CAPN5: variants seen among roughly 807,000 people sequenced by gnomAD.
The protein encoded by CAPN5 is calpain-5.
In CAPN5, 54 loss-of-function variants were observed where a neutral mutation model predicts 73.0. The ratio of observed to expected loss-of-function variants is 0.74; its 90% CI spans 0.59 to 0.93. CAPN5 has a LOEUF of 0.93. CAPN5 is among the 40% of genes least tolerant of loss of function. The pLI is 0.00. For missense variants in CAPN5, 785 were observed against 882.9 expected, an observed-to-expected ratio of 0.89 and a Z score of 1.41; for synonymous variants, 335 against 356.9, an observed-to-expected ratio of 0.94 and a Z score of 0.69.
chr11:77,067,320 C>T (rs1428974018), intron 1 of CAPN5, among the ~76,000 whole-genome samples: 1 of 130,212 alleles, frequency 7.7e-6, no homozygotes, highest in Non-Finnish European at 1.8e-5. Context: ...CACCCCCACC[C>T]CCGGCGAGGA....
chr11:77,115,330 A>T, intron 5 of CAPN5, 65 bp from the exon 6 acceptor site: 1 of 1,383,194 alleles, frequency 7.2e-7, no homozygotes, highest in South Asian at 1.3e-5. Context: ...GCCCTCCAGC[A>T]CCTGAGTCCC....
intron 1 of CAPN5, among the ~76,000 whole-genome samples, chr11:77,083,563 G>C (rs1432297589): frequency 6.6e-6 from 1 of 152,188 alleles, no homozygotes; most frequent in Non-Finnish European, 1.5e-5. Context: ...TGGCAGCCGT[G>C]TGCCCACCGG....
At chr11:77,115,263 G>T in intron 5 of CAPN5, 132 bp from the exon 6 acceptor site, 1 of 685,878 alleles carries the variant, frequency 1.5e-6, no homozygotes, top group East Asian at 2.7e-5. Context: ...TGTGAACACA[G>T]CACTGCCCCA....
intron 3 of CAPN5, 117 bp downstream of exon 3, chr11:77,093,930 A>G (rs375048490): frequency 1.4e-6 from 2 of 1,441,166 alleles, no homozygotes; most frequent in Admixed American, 4.0e-5. Flanking sequence ...AGCCTGTGCC[A>G]GGGATGGGGT....
intron 3 of CAPN5, among the ~76,000 whole-genome samples, chr11:77,103,761 C>T (rs946499468): frequency 6.6e-6 from 1 of 152,216 alleles, no homozygotes; most frequent in Non-Finnish European, 1.5e-5. Context: ...GGCGTCTCCA[C>T]GGGGAGTCCA....
Position 77,075,861 on chromosome 11 carries a change from T to C in CAPN5, c.-36+8767T>C, listed in dbSNP as rs1225998582. ...CCCCTTCCAGTCACTACCCCCAAGATAGCCAAGTCCTGCTTTCTGTTCACT... is the reference window on the plus strand; with the variant it reads ...CCCCTTCCAGTCACTACCCCCAAGACAGCCAAGTCCTGCTTTCTGTTCACT... On this transcript the variant is annotated intron_variant, in intron 1 of 12. Coordinates refer to ENST00000648180, the MANE Select transcript of CAPN5 (RefSeq NM_004055.5). Among the ~76,000 whole-genome samples the C allele has an allele frequency of 2.0e-5, 3 of 152,234 alleles. No individual in the cohort carries two copies. The South Asian group carries it at 6.2e-4, about 32-fold the overall frequency.
At chr11:77,079,811 G>T (rs1456213464) in intron 1 of CAPN5, among the ~76,000 whole-genome samples, 3 of 151,850 alleles carry the variant, frequency 2.0e-5, no homozygotes, top group Non-Finnish European at 4.4e-5. Flanking sequence ...GTGTGTGTGT[G>T]TGTCTGTGTG....
intron 7 of CAPN5, among the ~76,000 whole-genome samples, chr11:77,117,409 G>A (rs527783831): frequency 1.3e-5 from 2 of 152,140 alleles, no homozygotes; most frequent in African/African-American, 4.8e-5. Context: ...ATTCTGTCAG[G>A]GCCCCCAGGC....
In CAPN5 at chr11:77,124,779, C is replaced by G. The variant is rs1950556129; in HGVS notation, c.*909C>G. ...CCCAGAGCCTCTCTGCTGTAAGACC[C>G]CAGCTTTTCCTGGAAGATGGGACTC... On this transcript the variant is annotated 3_prime_UTR_variant, in exon 13 of 13. Coordinates refer to ENST00000648180, the MANE Select transcript of CAPN5 (RefSeq NM_004055.5). 6.6e-6 allele frequency: 1 copy of G among 152,192 alleles called. No individual in the cohort carries two copies. Among genetic ancestry groups the G allele is most frequent in the African/African-American group, 2.4e-5 (1 of 41,440 alleles). 9.4% of individuals were successfully genotyped at this position (152,192 alleles called of 1,614,324 possible).
At chr11:77,083,877 C>T (rs1472042269) in intron 1 of CAPN5, among the ~76,000 whole-genome samples, 7 of 152,224 alleles carry the variant, frequency 4.6e-5, no homozygotes. Flanking sequence ...ATCACTCCCA[C>T]AGCCAGCCTG....
intron 2 of CAPN5, among the ~76,000 whole-genome samples, chr11:77,090,429 T>G (rs1411407047): frequency 6.6e-6 from 1 of 152,214 alleles, no homozygotes; most frequent in African/African-American, 2.4e-5. Flanking sequence ...CCAGATCTGG[T>G]TGGATCTGCA....
intron 3 of CAPN5, among the ~76,000 whole-genome samples, chr11:77,105,831 C>T (rs904236686): frequency 2.6e-5 from 4 of 152,222 alleles, no homozygotes; most frequent in African/African-American, 9.7e-5. Context: ...CAGCTCTGTT[C>T]CCTCATCACC....
intron 3 of CAPN5, among the ~76,000 whole-genome samples, chr11:77,104,182 G>T (rs73493641): frequency 1.3e-5 from 2 of 152,204 alleles, no homozygotes; most frequent in East Asian, 3.9e-4. Context: ...CTGGGGGCTT[G>T]CTGAGCTAGG....
At chr11:77,095,488 A>G (rs1180525949) in intron 3 of CAPN5, among the ~76,000 whole-genome samples, 5 of 152,212 alleles carry the variant, frequency 3.3e-5, no homozygotes, top group African/African-American at 9.6e-5. Context: ...GGCCCAACGT[A>G]TATGTCCCTG....
chr11:77,117,790 G>A (rs1353812746), intron 7 of CAPN5, among the ~76,000 whole-genome samples: 3 of 152,096 alleles, frequency 2.0e-5, no homozygotes, highest in African/African-American at 7.2e-5. Context: ...AACTGTACAG[G>A]GCAGCAGACA....
intron 2 of CAPN5, among the ~76,000 whole-genome samples, chr11:77,090,432 G>A (rs1175579471): frequency 2.0e-5 from 3 of 152,252 alleles, no homozygotes; most frequent in African/African-American, 7.2e-5. Flanking sequence ...GATCTGGTTG[G>A]ATCTGCACCT....
chr11:77,069,281 C>T (rs367613590), intron 1 of CAPN5, among the ~76,000 whole-genome samples: 2 of 152,178 alleles, frequency 1.3e-5, no homozygotes, highest in African/African-American at 4.8e-5. Context: ...TCACTGAACG[C>T]ATCTTTCTAA....
At chr11:77,075,932 T>C (rs2135410603) in intron 1 of CAPN5, among the ~76,000 whole-genome samples, 1 of 152,304 alleles carries the variant, frequency 6.6e-6, no homozygotes, top group African/African-American at 2.4e-5. Flanking sequence ...AAATGGATTT[T>C]TTAAATAGAT....
At chr11:77,097,274 A>G (rs1950219730) in intron 3 of CAPN5, among the ~76,000 whole-genome samples, 1 of 152,086 alleles carries the variant, frequency 6.6e-6, no homozygotes, top group Admixed American at 6.5e-5. Context: ...GGGTTATATT[A>G]GCAGTTCCTG....
Sources: allele counts gnomAD v4.1 joint callset (sites outside exome capture counted in the v4.1 genomes callset), GRCh38; gene constraint gnomAD v4.1.1; transcripts MANE v1.5; gene names NCBI Gene and HGNC (gene_info 2026-07-23, HGNC 2026-07-21).